LGALS8: variants seen among roughly 807,000 people sequenced by gnomAD.
LGALS8 encodes galectin-8.
Under a neutral mutation model 35.9 loss-of-function variants are expected in LGALS8, and 30 were observed. The ratio of observed to expected loss-of-function variants is 0.83; its 90% CI spans 0.62 to 1.13. The LOEUF is 1.13. LGALS8 is among the 50% of genes most tolerant of loss of function. The pLI, the probability that LGALS8 is intolerant of heterozygous loss-of-function variation, is 0.00. For synonymous variants in LGALS8, 138 were observed against 136.1 expected (o/e 1.01, Z -0.10); for missense variants, 366 against 388.7 (o/e 0.94, Z 0.49).
intron 2 of LGALS8, among the ~76,000 whole-genome samples, chr1:236,527,829 G>C (rs371806226): frequency 6.6e-6 from 1 of 151,836 alleles, no homozygotes; most frequent in Non-Finnish European, 1.5e-5. Flanking sequence ...TCTGCCTCCC[G>C]GGTTCAAGCA....
Position 236,550,812 on chromosome 1 carries a change from C to T in LGALS8, c.*2651C>T, listed in dbSNP as rs1662695858. ...TAATCCAAGTAGGTGTATTAAGGCA[C>T]CAAAAGTAACATGGCACCCAACACC... On this transcript the variant is annotated 3_prime_UTR_variant, in exon 10 of 10. Coordinates refer to ENST00000366584, the MANE Select transcript of LGALS8 (RefSeq NM_201544.4). 1.2e-5 allele frequency: 12 copies of T among 991,296 alleles called. No homozygotes were observed. In the South Asian group the frequency reaches 1.9e-4, roughly 16 times the overall value. The allele number at this position is 991,296 out of a possible 1,614,324, so 61.4% of individuals were successfully genotyped here. A position where few individuals can be genotyped will look rare whatever the true frequency, so the allele number is the denominator to read the frequency against.
upstream of LGALS8, among the ~76,000 whole-genome samples, chr1:236,518,656 AT>A (rs532346068): frequency 6.6e-5 from 10 of 151,470 alleles, no homozygotes; most frequent in African/African-American, 1.9e-4. Flanking sequence ...GCTTTCACAT[AT>A]TTTTTTTTAT....
intron 4 of LGALS8, 66 bp from the exon 5 acceptor site, chr1:236,540,498 A>C: frequency 6.2e-6 from 9 of 1,453,186 alleles, no homozygotes; most frequent in Non-Finnish European, 7.3e-6. Context: ...AATTTGGATA[A>C]TAAGTTAATT....
chr1:236,526,007 A>C lies in LGALS8; in HGVS notation c.-64A>C. On this transcript the variant is annotated 5_prime_UTR_variant, in exon 2 of 10. Coordinates refer to ENST00000366584, the MANE Select transcript of LGALS8 (RefSeq NM_201544.4). The surrounding 1 kb of genome is among the most constrained non-coding windows in gnomAD (Gnocchi z 4.6). ...TTTCAATCCAGGTAACCTTTAAATG[A>C]AACTTGCCTAAAATCTTAGGTCATA... The C allele has an allele frequency of 1.5e-6, 2 of 1,341,102 alleles. No individual in the cohort carries two copies. Among genetic ancestry groups the C allele is most frequent in the East Asian group, 4.6e-5 (2 of 43,536 alleles). 83.1% of individuals were successfully genotyped at this position (1,341,102 alleles called of 1,614,324 possible).
rs761233488 is a variant in LGALS8, at chr1:236,544,839, C to T, written c.728C>T (p.Ser243Phe). Reference protein sequence around the residue: ...RLNIKAFVRNSFLQESWGEEE... With the variant: ...RLNIKAFVRNFFLQESWGEEE... ...AATATTAAAGCATTTGTAAGAAATT[C>T]TTTTCTTCAGGAGTCCTGGGGAGAA... Residue 243 changes from serine (S) to phenylalanine (F), a missense_variant, in exon 9 of 10, where the codon TCT becomes TTT. Transcript: ENST00000366584. 4 of 1,613,334 alleles carry T rather than the reference C, an allele frequency of 2.5e-6. No individual in the cohort carries two copies. In the South Asian group the frequency reaches 4.4e-5, roughly 18 times the overall value.
chr1:236,539,501 T>C (rs1315676447), intron 4 of LGALS8, among the ~76,000 whole-genome samples: 1 of 107,256 alleles, frequency 9.3e-6, no homozygotes, highest in Non-Finnish European at 2.2e-5. Flanking sequence ...GACAGTTCCG[T>C]AGGATCATGA....
In LGALS8 at chr1:236,540,410, G is replaced by A. The variant is rs1386308489; in HGVS notation, c.346-154G>A. 5.4e-6 allele frequency: 4 copies of A among 736,044 alleles called. No individual in the cohort carries two copies. The South Asian group carries it at 8.6e-5, about 16-fold the overall frequency. The allele number at this position is 736,044 out of a possible 1,614,324, so 45.6% of individuals were successfully genotyped here. On this transcript the variant is annotated intron_variant, in intron 4 of 9. Transcript: ENST00000366584. ...TTTGGAAGCACTGCTAGTGTTTTGG[G>A]TGCTTTCGGTTACCATTTGGTCATG...
intron 3 of LGALS8, among the ~76,000 whole-genome samples, chr1:236,538,448 C>T (rs34299988): frequency 0.61 from 93,004 of 152,122 alleles, 29,342 homozygotes; most frequent in Non-Finnish European, 0.69. Flanking sequence ...CCTTGGCAGC[C>T]AGATTTCCAG....
In LGALS8 at chr1:236,542,748, T is replaced by C. The variant is rs76304432; in HGVS notation, c.523-13T>C. ...CCTTCTAACATTGTTGTGTTTTGTT[T>C]CTTTTCCAATAGGTTCCAAAGTCTG... On this transcript the variant is annotated splice_polypyrimidine_tract_variant and intron_variant, in intron 6 of 9. Transcript: ENST00000366584. 6.2e-7 allele frequency: 1 copy of C among 1,613,758 alleles called. No homozygotes were observed. Among genetic ancestry groups the C allele is most frequent in the Non-Finnish European group, 8.5e-7 (1 of 1,179,748 alleles).
intron 2 of LGALS8, 71 bp from the exon 3 acceptor site, chr1:236,537,426 G>T: frequency 1.1e-6 from 1 of 881,592 alleles, no homozygotes; most frequent in South Asian, 1.3e-5. Context: ...TCAATAATGA[G>T]TGTGGGTTGT....
intron 2 of LGALS8, among the ~76,000 whole-genome samples, chr1:236,535,916 G>C (rs563932182): frequency 6.6e-6 from 1 of 152,244 alleles, no homozygotes; most frequent in Non-Finnish European, 1.5e-5. Flanking sequence ...CCAGACAGGT[G>C]AGAGTTCATT....
chr1:236,542,982 C>A, intron 7 of LGALS8, 195 bp downstream of exon 7: 1 of 1,614,124 alleles, frequency 6.2e-7, no homozygotes, highest in Non-Finnish European at 8.5e-7. Context: ...AGCAAAGATT[C>A]GACTGTCAAT....
At chr1:236,539,146 G>C in intron 4 of LGALS8, 57 bp downstream of exon 4, 1 of 1,391,748 alleles carries the variant, frequency 7.2e-7, no homozygotes. Context: ...GTGCACAGGG[G>C]TGCTTTTCAC....
chr1:236,533,956 C>G (rs375095432), intron 2 of LGALS8, among the ~76,000 whole-genome samples: 5 of 40,494 alleles, frequency 1.2e-4, no homozygotes, highest in Admixed American at 4.6e-4. Flanking sequence ...CTCTGACCCT[C>G]GATATAGCTG....
intron 2 of LGALS8, among the ~76,000 whole-genome samples, chr1:236,533,157 G>A (rs567070246): frequency 6.6e-6 from 1 of 152,102 alleles, no homozygotes; most frequent in Non-Finnish European, 1.5e-5. Context: ...CCCTGACTGC[G>A]TGCTGAGAGA....
rs775330376 is a variant in LGALS8 at position 236,537,474 on chromosome 1, ATT to A, written c.46-21_46-20del. 7.6e-6 allele frequency: 11 copies of A among 1,448,966 alleles called. No individual in the cohort carries two copies. The East Asian group carries it at 1.4e-4, about 18-fold the overall frequency. 89.8% of individuals were successfully genotyped at this position (1,448,966 alleles called of 1,614,324 possible). A position where few individuals can be genotyped will look rare whatever the true frequency, so the allele number is the denominator to read the frequency against. ...AGTAATTTTGTTTATGTAAACGTAC[ATT>A]TGTTAAATTTTTTTTCTTAGGTAAT... On this transcript the variant is annotated intron_variant, in intron 2 of 9. Transcript: ENST00000366584.
In LGALS8 at chr1:236,544,815, A is replaced by G. The variant is rs1442197038; in HGVS notation, c.704A>G (p.Asn235Ser). The change falls in exon 9 of 10, where the codon AAT becomes AGT. Residue 235 changes from asparagine (N) to serine (S), a missense_variant. By Grantham distance (46) the Asn-to-Ser change is conservative. Coordinates refer to ENST00000366584, the MANE Select transcript of LGALS8 (RefSeq NM_201544.4). Reference protein sequence around the residue: ...DIALHLNPRLNIKAFVRNSFL... With the variant: ...DIALHLNPRLSIKAFVRNSFL... ...GCTCTACACTTGAACCCACGCCTGA[A>G]TATTAAAGCATTTGTAAGAAATTCT... The G allele has an allele frequency of 1.9e-6, 3 of 1,613,778 alleles. No individual in the cohort carries two copies. Among genetic ancestry groups the G allele is most frequent in the East Asian group, 4.5e-5 (2 of 44,878 alleles).
chr1:236,537,636 A>G lies in LGALS8; in HGVS notation c.134+51A>G, dbSNP rs59538033. 5.0e-3 allele frequency: 6,333 copies of G among 1,275,078 alleles called. 261 individuals carry two copies. The African/African-American group carries it at 0.082, about 16-fold the overall frequency. The allele number at this position is 1,275,078 out of a possible 1,614,324, so 79.0% of individuals were successfully genotyped here. A position where few individuals can be genotyped will look rare whatever the true frequency, so the allele number is the denominator to read the frequency against. The stretch of plus-strand genomic sequence containing the variant: ...AGCATGAATAGGCTGTCTTTTTGTG[A>G]TTGTGGAATGATAACAGAGTAAGGC... On this transcript the variant is annotated intron_variant, in intron 3 of 9. Transcript: ENST00000366584.
At position 236,526,112 on chromosome 1, in the gene LGALS8, C is replaced by G. The variant is rs753926084; in HGVS notation, c.42C>G (p.Asn14Lys). 1.2e-6 allele frequency: 2 copies of G among 1,604,274 alleles called. No individual in the cohort carries two copies. Among genetic ancestry groups the G allele is most frequent in the African/African-American group, 1.3e-5 (1 of 74,728 alleles). ...ACAACCTACAGAATATCATCTATAA[C>G]CCGGTAACTGATTTCTATAAGATAA... is the stretch of plus-strand genomic sequence containing the variant. Reference protein sequence around the residue: ...SLNNLQNIIYNPVIPFVGTIP... With the variant: ...SLNNLQNIIYKPVIPFVGTIP... The change falls in exon 2 of 10, where the codon AAC becomes AAG. Residue 14 changes from asparagine (N) to lysine (K), a missense_variant. By Grantham distance (94) the Asn-to-Lys change is moderately conservative. Coordinates refer to ENST00000366584, the MANE Select transcript of LGALS8 (RefSeq NM_201544.4). The surrounding 1 kb of genome is among the most constrained non-coding windows in gnomAD (Gnocchi z 4.6).
Sources: allele counts gnomAD v4.1 joint callset (sites outside exome capture counted in the v4.1 genomes callset), GRCh38; gene constraint gnomAD v4.1.1; non-coding constraint Gnocchi (gnomAD v3.1); transcripts MANE v1.5; gene names NCBI Gene and HGNC (gene_info 2026-07-23, HGNC 2026-07-21).